The following SYNJ1 variants were observed in gnomAD, a reference collection of about 807,000 sequenced individuals.
SYNJ1 encodes synaptojanin 1.
SYNJ1 carries 78 observed loss-of-function variants against 168.2 expected under a neutral mutation model. The ratio of observed to expected loss-of-function variants is 0.46; its 90% CI spans 0.39 to 0.56. The LOEUF is 0.56. Ranked by LOEUF, SYNJ1 falls within the 20% of genes least tolerant of loss-of-function variation. SYNJ1 has a pLI of 0.00. For synonymous variants in SYNJ1, 539 were observed against 548.6 expected (o/e 0.98, Z 0.24); for missense variants, 1,303 against 1,597.6 (o/e 0.82, Z 3.14).
At position 32,727,954 on chromosome 21, in the gene SYNJ1, C is replaced by T. The variant is rs751083536; in HGVS notation, c.-31G>A. 1 of 1,533,860 alleles carries T rather than the reference C, an allele frequency of 6.5e-7. No individual in the cohort carries two copies. Among genetic ancestry groups the T allele is most frequent in the South Asian group, 1.2e-5 (1 of 83,952 alleles). On this transcript the variant is annotated 5_prime_UTR_variant, in exon 1 of 33. Coordinates refer to ENST00000674351, the MANE Select transcript of SYNJ1 (RefSeq NM_203446.3). ...CCCGCCGGCTTGCTCACCTCTTCCTCCGGCTCCTCCTCCTCCTTCTCCCGC... is the reference window on the plus strand; with the variant it reads ...CCCGCCGGCTTGCTCACCTCTTCCTTCGGCTCCTCCTCCTCCTTCTCCCGC...
chr21:32,676,139 G>A (rs1409577370), intron 13 of SYNJ1, among the ~76,000 whole-genome samples, 193 bp downstream of exon 13: 1 of 152,192 alleles, frequency 6.6e-6, no homozygotes, highest in Non-Finnish European at 1.5e-5. Flanking sequence ...ATTTTCTTCA[G>A]AATGAAGTAC....
chr21:32,650,312 C>T lies in SYNJ1; in HGVS notation c.2909G>A (p.Ser970Asn). The change falls in exon 23 of 33, where the codon AGT becomes AAT. Residue 970 changes from serine (S) to asparagine (N), a missense_variant. Physicochemically the swap from Ser to Asn is conservative, Grantham distance 46. Around this residue, in one of 2 missense-constraint regions of SYNJ1, gnomAD observed 920 missense variants for 1,208.8 expected, o/e 0.76. Coordinates refer to ENST00000674351, the MANE Select transcript of SYNJ1 (RefSeq NM_203446.3). Reference protein sequence around the residue: ...LNRTITIALKSPDWIKNLEEE... With the variant: ...LNRTITIALKNPDWIKNLEEE... The stretch of plus-strand genomic sequence containing the variant: ...TTCCAAATTTTTGATCCAGTCTGGA[C>T]TTTTTAAAGCAATAGTTATAGTCCG... The T allele has an allele frequency of 1.2e-6, 2 of 1,613,184 alleles. No homozygotes were observed. The highest frequency in any genetic ancestry group is 1.7e-6 in the Non-Finnish European group (2 of 1,179,702).
chr21:32,666,240 C>CT, intron 16 of SYNJ1, 105 bp from the exon 17 acceptor site: 1 of 1,452,718 alleles, frequency 6.9e-7, no homozygotes, highest in Non-Finnish European at 9.3e-7. Context: ...TGGTATGGTA[C>CT]TTTGAGGGCA....
intron 22 of SYNJ1, among the ~76,000 whole-genome samples, chr21:32,652,138 T>C (rs1393995858): frequency 1.3e-5 from 2 of 152,212 alleles, no homozygotes; most frequent in South Asian, 2.1e-4. Flanking sequence ...AGTATACTAG[T>C]ATTACATTTA....
At chr21:32,690,761 A>G (rs1006356845) in intron 6 of SYNJ1, among the ~76,000 whole-genome samples, 3 of 152,086 alleles carry the variant, frequency 2.0e-5, no homozygotes, top group African/African-American at 7.2e-5. Context: ...TGTCTCTACT[A>G]AAATACAAAA....
chr21:32,727,743 GC>G, intron 1 of SYNJ1: 2 of 1,178,692 alleles, frequency 1.7e-6, no homozygotes, highest in Non-Finnish European at 2.3e-6. Context: ...TGTCACCACA[GC>G]CCCCAGCCTG....
At chr21:32,670,570 CTTCT>C (rs963775095) in intron 14 of SYNJ1, among the ~76,000 whole-genome samples, 198 bp from the exon 15 acceptor site, 9 of 152,130 alleles carry the variant, frequency 5.9e-5, no homozygotes, top group Non-Finnish European at 1.2e-4. Flanking sequence ...CCTAAGTTTG[CTTCT>C]TTAAGACGGT....
rs968709804 is a variant in SYNJ1, at chr21:32,727,957, G to A, written c.-34C>T. ...GCCGGCTTGCTCACCTCTTCCTCCG[G>A]CTCCTCCTCCTCCTTCTCCCGCAGC... On this transcript the variant is annotated 5_prime_UTR_variant, in exon 1 of 33. Coordinates refer to ENST00000674351, the MANE Select transcript of SYNJ1 (RefSeq NM_203446.3). 37 of 1,533,682 alleles carry A rather than the reference G, an allele frequency of 2.4e-5. 1 individual carries two copies. The African/African-American group carries it at 5.1e-4, about 21-fold the overall frequency.
rs1471105583 is a variant in SYNJ1, at chr21:32,695,835, TG to T, written c.480-554del. Among the ~76,000 whole-genome samples the T allele has an allele frequency of 5.4e-4, 81 of 149,928 alleles. 1 individual carries two copies. Among genetic ancestry groups the T allele is most frequent in the African/African-American group, 1.9e-3 (78 of 40,720 alleles). The stretch of plus-strand genomic sequence containing the variant: ...GCACCACCAAGCCGGGCTAATTTTT[TG>T]TTTTGTTTTGTTTTTTTTTTTCTTT... On this transcript the variant is annotated intron_variant, in intron 4 of 32. Coordinates refer to ENST00000674351, the MANE Select transcript of SYNJ1 (RefSeq NM_203446.3).
chr21:32,637,474 T>C (rs2039629133), intron 31 of SYNJ1, among the ~76,000 whole-genome samples: 2 of 148,760 alleles, frequency 1.3e-5, no homozygotes, highest in East Asian at 2.0e-4. Flanking sequence ...AGTGGTGCGA[T>C]CTCAGCTCAC....
At chr21:32,680,938 A>C (rs570381481) in intron 11 of SYNJ1, among the ~76,000 whole-genome samples, 1 of 152,184 alleles carries the variant, frequency 6.6e-6, no homozygotes, top group East Asian at 1.9e-4. Context: ...CTTCGTTGGC[A>C]CATCTTGATA....
rs546202834 is a variant in SYNJ1 at position 32,664,534 on chromosome 21, CAG to C, written c.2304+377_2304+378del. Reference sequence around the variant, plus strand: ...CCCTGTCCTGTTCCATTCTGATTACCAGTGCATGCAGCCCCCAGTCCCATACC... The same window carrying C: ...CCCTGTCCTGTTCCATTCTGATTACCTGCATGCAGCCCCCAGTCCCATACC... On this transcript the variant is annotated intron_variant, in intron 18 of 32. Coordinates refer to ENST00000674351, the MANE Select transcript of SYNJ1 (RefSeq NM_203446.3). Among the ~76,000 whole-genome samples, 326 of 152,028 alleles carry C rather than the reference CAG, an allele frequency of 2.1e-3. 2 individuals are homozygous for C. Among genetic ancestry groups the C allele is most frequent in the African/African-American group, 6.6e-3 (273 of 41,464 alleles).
Position 32,665,064 on chromosome 21 carries a change from A to T in SYNJ1, c.2153T>A (p.Met718Lys). The T allele has an allele frequency of 6.3e-7, 1 of 1,591,528 alleles. No individual in the cohort carries two copies. The highest frequency in any genetic ancestry group is 8.6e-7 in the Non-Finnish European group (1 of 1,168,768). The change falls in exon 18 of 33, where the codon ATG becomes AAG. Residue 718 changes from methionine (M) to lysine (K), a missense_variant. Physicochemically the swap from Met to Lys is moderately conservative, Grantham distance 95. Around this residue, in one of 2 missense-constraint regions of SYNJ1, gnomAD observed 920 missense variants for 1,208.8 expected, o/e 0.76. Transcript: ENST00000674351. ...ARKLSFPMGR[M>K]LFSHDYVFWC... Reference sequence around the variant, plus strand: ...AAATACATAGTCATGGGAAAATAGCATCCTTCCCTGAAAGCAATGAGATAG... The same window carrying T: ...AAATACATAGTCATGGGAAAATAGCTTCCTTCCCTGAAAGCAATGAGATAG...
At chr21:32,688,626 T>C (rs574533709) in intron 6 of SYNJ1, among the ~76,000 whole-genome samples, 3 of 152,340 alleles carry the variant, frequency 2.0e-5, no homozygotes, top group Admixed American at 2.0e-4. Flanking sequence ...GGAATTTTTA[T>C]TGATGAAAAC....
chr21:32,700,244 AT>A, intron 3 of SYNJ1, 139 bp from the exon 4 acceptor site: 2 of 971,836 alleles, frequency 2.1e-6, no homozygotes, highest in Non-Finnish European at 2.9e-6. Context: ...TTCACTAGAC[AT>A]TTTAGTTGAA....
chr21:32,691,987 A>G (rs1488836876), intron 6 of SYNJ1, among the ~76,000 whole-genome samples: 1 of 152,218 alleles, frequency 6.6e-6, no homozygotes, highest in Non-Finnish European at 1.5e-5. Flanking sequence ...TAAATCTGAC[A>G]CGCATAACAT....
In SYNJ1 at chr21:32,694,100, C is replaced by G. The variant is rs537384895; in HGVS notation, c.789+128G>C. On this transcript the variant is annotated intron_variant, in intron 6 of 32. Transcript: ENST00000674351. ...CTGTACTCGTCTAGACCCTTATTTGCAAATCCAGCTAACATTATTAGATGG... is the reference window on the plus strand; with the variant it reads ...CTGTACTCGTCTAGACCCTTATTTGGAAATCCAGCTAACATTATTAGATGG... 2.9e-4 allele frequency: 178 copies of G among 613,368 alleles called. 3 individuals carry two copies. The South Asian group carries it at 5.4e-3, about 19-fold the overall frequency. The allele number at this position is 613,368 out of a possible 1,614,324, so 38.0% of individuals were successfully genotyped here.
chr21:32,691,088 A>G (rs1475400556), intron 6 of SYNJ1, among the ~76,000 whole-genome samples: 1 of 152,180 alleles, frequency 6.6e-6, no homozygotes, highest in Non-Finnish European at 1.5e-5. Flanking sequence ...TGACTGATTG[A>G]TACGGTTTGG....
At position 32,646,544 on chromosome 21, in the gene SYNJ1, T is replaced by C; in HGVS notation, c.3096A>G (p.Pro1032=). 1 of 1,614,166 alleles carries C rather than the reference T, an allele frequency of 6.2e-7. No homozygotes were observed. Among genetic ancestry groups the C allele is most frequent in the Non-Finnish European group, 8.5e-7 (1 of 1,180,020 alleles). The change falls in exon 24 of 33, where the codon CCA becomes CCG. Residue 1032 remains proline, a synonymous_variant. Transcript: ENST00000674351. ...AAGTACCAAGGCCGGAACTTGAAGA[T>C]GGCTGGAGATGCTGAGGAAGAAGTT... ...VEELLPQHLQ[P]SSSSGLGTSP...
Sources: allele counts gnomAD v4.1 joint callset (sites outside exome capture counted in the v4.1 genomes callset), GRCh38; gene constraint gnomAD v4.1.1; regional missense constraint gnomAD v4.1.1; transcripts MANE v1.5; gene names NCBI Gene and HGNC (gene_info 2026-07-23, HGNC 2026-07-21).